VPS13C: variants seen among roughly 807,000 people sequenced by gnomAD.
VPS13C encodes vacuolar protein sorting 13 homolog C.
In VPS13C, 358 loss-of-function variants were observed where a neutral mutation model predicts 456.8. The observed-to-expected ratio is 0.78, with a 90% CI of 0.72 to 0.86. VPS13C has a LOEUF of 0.86. Ranked by LOEUF, VPS13C falls within the 40% of genes least tolerant of loss-of-function variation. The pLI is 0.00. For missense variants in VPS13C, 4,818 were observed against 4,385.4 expected, an observed-to-expected ratio of 1.10 and a Z score of -2.79; for synonymous variants, 1,578 against 1,486.7, an observed-to-expected ratio of 1.06 and a Z score of -1.41.
intron 24 of VPS13C, among the ~76,000 whole-genome samples, 194 bp from the exon 25 acceptor site, chr15:61,974,611 A>C (rs1041349309): frequency 2.6e-5 from 4 of 152,290 alleles, no homozygotes; most frequent in Middle Eastern, 3.4e-3. Context: ...AGATAATTTC[A>C]ACATATCCCT....
intron 69 of VPS13C, among the ~76,000 whole-genome samples, chr15:61,882,382 C>G (rs760108321): frequency 1.1e-4 from 16 of 152,100 alleles, no homozygotes; most frequent in Admixed American, 2.6e-4. Context: ...CAAGAAAACC[C>G]TTTTGCAGGC....
At chr15:61,857,532 G>T (rs772065551) in intron 82 of VPS13C, among the ~76,000 whole-genome samples, 2 of 152,124 alleles carry the variant, frequency 1.3e-5, no homozygotes, top group Admixed American at 6.5e-5. Context: ...TGAGCTTAGC[G>T]CCAGACCTTG....
Position 61,920,220 on chromosome 15 carries a change from G to A in VPS13C, c.7324C>T (p.Leu2442Phe). The A allele has an allele frequency of 6.2e-7, 1 of 1,613,628 alleles. No individual in the cohort carries two copies. Among genetic ancestry groups the A allele is most frequent in the Non-Finnish European group, 8.5e-7 (1 of 1,179,680 alleles). ...TTCTCAGGGAAGCCCATTACTCTGA[G>A]ATTACAATTGGGCTTCACCTTAATG... The part of the protein sequence containing the change: ...VPIKVKPNCN[L>F]RVMGFPEKSD... The change falls in exon 57 of 85, where the codon CTC becomes TTC. Residue 2442 changes from leucine (L) to phenylalanine (F), a missense_variant. Transcript: ENST00000644861.
chr15:61,896,359 A>G (rs1375702673), intron 66 of VPS13C, among the ~76,000 whole-genome samples: 2 of 152,164 alleles, frequency 1.3e-5, no homozygotes, highest in African/African-American at 4.8e-5. Context: ...CTCACTAGGG[A>G]GTGCCAGACA....
chr15:61,948,225 C>A (rs140059936), intron 42 of VPS13C, among the ~76,000 whole-genome samples: 5 of 151,970 alleles, frequency 3.3e-5, no homozygotes, highest in Non-Finnish European at 5.9e-5. Flanking sequence ...TTCATTTATT[C>A]AACTGTGTTG....
In VPS13C at chr15:62,028,423, G is replaced by A; in HGVS notation, c.386-3C>T. ...TATGAACTCCCCTGAATGTGTGCCT[G>A]CATCCCACATGGCAGCAATAACCAA... is the stretch of plus-strand genomic sequence containing the variant. On this transcript the variant is annotated splice_region_variant and splice_polypyrimidine_tract_variant and intron_variant, in intron 5 of 84. Transcript: ENST00000644861. 6.2e-6 allele frequency: 10 copies of A among 1,612,740 alleles called. No individual in the cohort carries two copies. Among genetic ancestry groups the A allele is most frequent in the Non-Finnish European group, 8.5e-6 (10 of 1,179,112 alleles).
At chr15:62,040,420 T>C (rs978124878) in intron 3 of VPS13C, among the ~76,000 whole-genome samples, 7 of 152,280 alleles carry the variant, frequency 4.6e-5, no homozygotes, top group African/African-American at 1.4e-4. Context: ...TACCCCGATG[T>C]GATTATTACA....
At chr15:61,986,210 C>A (rs754541404) in intron 18 of VPS13C, among the ~76,000 whole-genome samples, 14 of 150,836 alleles carry the variant, frequency 9.3e-5, no homozygotes, top group Admixed American at 6.7e-5. Flanking sequence ...AAAATAGATT[C>A]ACAGGCGCTC....
At chr15:62,053,993 C>A (rs2048707987) in intron 1 of VPS13C, among the ~76,000 whole-genome samples, 1 of 152,138 alleles carries the variant, frequency 6.6e-6, no homozygotes, top group African/African-American at 2.4e-5. Flanking sequence ...GAATTAAGAA[C>A]AACAGAGTTC....
Position 61,931,204 on chromosome 15 carries a change from T to C in VPS13C, c.5924A>G (p.His1975Arg). ...DSFQLGELRL[H>R]LMASSGKMFK... is the part of the protein sequence containing the mutation. ...CATCTTCCCTGAGGAGGCCATAAGATGTAGTCTGAGTTCACCAAGTTGGAA... is the reference window on the plus strand; with the variant it reads ...CATCTTCCCTGAGGAGGCCATAAGACGTAGTCTGAGTTCACCAAGTTGGAA... The change falls in exon 50 of 85, where the codon CAT becomes CGT. Residue 1975 changes from histidine to arginine, a missense_variant. Transcript: ENST00000644861. 1 of 1,614,152 alleles carries C rather than the reference T, an allele frequency of 6.2e-7. No homozygotes were observed. Among genetic ancestry groups the C allele is most frequent in the South Asian group, 1.1e-5 (1 of 91,078 alleles).
Position 61,920,303 on chromosome 15 carries a change from A to T in VPS13C, c.7241T>A (p.Phe2414Tyr). 1 of 1,608,588 alleles carries T rather than the reference A, an allele frequency of 6.2e-7. No homozygotes were observed. The highest frequency in any genetic ancestry group is 1.1e-5 in the South Asian group (1 of 90,488). ...AGCTCTGTCCTTTAAAGAGTAGTCAAAAGTAGAAGCAGTGCCCTCTGAAAA... is the reference window on the plus strand; with the variant it reads ...AGCTCTGTCCTTTAAAGAGTAGTCATAAGTAGAAGCAGTGCCCTCTGAAAA... The part of the protein sequence containing the change: ...KGFSEGTAST[F>Y]DYSLKDRAPF... Residue 2414 changes from phenylalanine to tyrosine, a missense_variant, in exon 57 of 85, where the codon TTT becomes TAT. Phe to Tyr is a conservative substitution (Grantham distance 22). Coordinates refer to ENST00000644861, the MANE Select transcript of VPS13C (RefSeq NM_020821.3).
chr15:61,964,857 GC>G lies in VPS13C; in HGVS notation c.3055del (p.Ala1019ProfsTer5). 1 of 1,597,826 alleles carries G rather than the reference GC, an allele frequency of 6.3e-7. No homozygotes were observed. Among genetic ancestry groups the G allele is most frequent in the Non-Finnish European group, 8.5e-7 (1 of 1,174,914 alleles). ...FGKTEQTVKV[A>X]FSSLNLLLQT... ...CAGCAACAGATTTAAAGATGAAAAG[GC>G]CACCTAAAAATGTTTTAAAGAGAAA... is the stretch of plus-strand genomic sequence containing the variant. On this transcript the variant is annotated frameshift_variant, in exon 31 of 85. Coordinates refer to ENST00000644861, the MANE Select transcript of VPS13C (RefSeq NM_020821.3). LOFTEE classifies it high-confidence loss of function.
At chr15:62,037,184 TATAAATATA>T (rs2048028664) in intron 3 of VPS13C, among the ~76,000 whole-genome samples, 1 of 119,206 alleles carries the variant, frequency 8.4e-6, no homozygotes, top group African/African-American at 3.2e-5. Context: ...ATAATATAAA[TATAAATATA>T]ATAAATATAA....
At position 61,941,714 on chromosome 15, in the gene VPS13C, A is replaced by T. The variant is rs369984151; in HGVS notation, c.5453+49T>A. On this transcript the variant is annotated intron_variant, in intron 46 of 84. Coordinates refer to ENST00000644861, the MANE Select transcript of VPS13C (RefSeq NM_020821.3). ...TTTTACCTTAGGTAAAAATTGTATG[A>T]AAATCCTATTTCTAGTAAGCAATAC... 2.5e-3 allele frequency: 3,837 copies of T among 1,510,866 alleles called. 7 individuals are homozygous for T. Among genetic ancestry groups the T allele is most frequent in the Non-Finnish European group, 3.1e-3 (3,492 of 1,126,968 alleles). The allele number at this position is 1,510,866 out of a possible 1,614,324, so 93.6% of individuals were successfully genotyped here. A position where few individuals can be genotyped will look rare whatever the true frequency, so the allele number is the denominator to read the frequency against.
intron 79 of VPS13C, among the ~76,000 whole-genome samples, chr15:61,870,931 T>C (rs1427541847): frequency 6.6e-6 from 1 of 152,204 alleles, no homozygotes; most frequent in African/African-American, 2.4e-5. Flanking sequence ...TGTCTATTCA[T>C]ATCTTTTGCT....
In VPS13C at chr15:61,962,795, T is replaced by A. The variant is rs374156398; in HGVS notation, c.3389A>T (p.Glu1130Val). ...SRKQSLFARL[E>V]NIIVTDVDPK... is the part of the protein sequence containing the mutation. ...ATCAACATCTGTGACAATAATATTT[T>A]CTAGTCGGGCAAAAAGTGACTGCTT... is the stretch of plus-strand genomic sequence containing the variant. The change falls in exon 33 of 85, where the codon GAA becomes GTA. Residue 1130 changes from glutamate (E) to valine (V), a missense_variant. Glu to Val is a moderately radical substitution (Grantham distance 121, BLOSUM62 -2). Coordinates refer to ENST00000644861, the MANE Select transcript of VPS13C (RefSeq NM_020821.3). 1.9e-6 allele frequency: 3 copies of A among 1,608,132 alleles called. No homozygotes were observed. Among genetic ancestry groups the A allele is most frequent in the Non-Finnish European group, 2.6e-6 (3 of 1,176,364 alleles).
intron 1 of VPS13C, among the ~76,000 whole-genome samples, chr15:62,056,882 CCT>C (rs1428045944): frequency 5.3e-5 from 8 of 152,236 alleles, no homozygotes; most frequent in African/African-American, 9.6e-5. Flanking sequence ...GGAAGGGCCC[CCT>C]GTCCTGTGGA....
chr15:61,970,129 G>A (rs925653745), intron 27 of VPS13C, among the ~76,000 whole-genome samples: 3 of 152,124 alleles, frequency 2.0e-5, no homozygotes, highest in African/African-American at 4.8e-5. Context: ...AGACTACCAC[G>A]GCTTTTACCA....
chr15:62,045,222 C>T (rs1027159895), intron 1 of VPS13C, among the ~76,000 whole-genome samples: 8 of 152,114 alleles, frequency 5.3e-5, no homozygotes, highest in Non-Finnish European at 1.0e-4. Context: ...TTCATTAAGG[C>T]ACTCACGGCT....
Sources: allele counts gnomAD v4.1 joint callset (sites outside exome capture counted in the v4.1 genomes callset), GRCh38; gene constraint gnomAD v4.1.1; transcripts MANE v1.5; gene names NCBI Gene and HGNC (gene_info 2026-07-23, HGNC 2026-07-21).